DPH6: variants seen among roughly 807,000 people sequenced by gnomAD.
DPH6 encodes diphthine--ammonia ligase.
A neutral mutation model predicts 38.2 loss-of-function variants in DPH6; 33 were observed. The observed-to-expected ratio is 0.86, with a 90% CI of 0.65 to 1.15. The LOEUF (loss-of-function observed/expected upper bound fraction) is 1.15, where lower values mean the gene tolerates loss of function less well. Among genes scored for constraint, DPH6 ranks in the 50% most tolerant of loss-of-function variants. The probability of loss-of-function intolerance (pLI) is 0.00; values close to 1 mark genes in which losing one functional copy is unlikely to be tolerated. For missense variants in DPH6, 325 were observed against 320.0 expected, an observed-to-expected ratio of 1.02 and a Z score of -0.12; for synonymous variants, 108 against 103.0, an observed-to-expected ratio of 1.05 and a Z score of -0.30.
intron 3 of DPH6, among the ~76,000 whole-genome samples, chr15:35,487,196 A>ATCTACCAT (rs2054414943): frequency 6.6e-6 from 1 of 152,052 alleles, no homozygotes; most frequent in Non-Finnish European, 1.5e-5. Context: ...CTCCCAGGGG[A>ATCTACCAT]TCTACCATTC....
intron 5 of DPH6, among the ~76,000 whole-genome samples, chr15:35,431,201 T>G (rs2053628460): frequency 2.0e-5 from 3 of 152,162 alleles, no homozygotes; most frequent in Non-Finnish European, 1.5e-5. Context: ...ATGAATTCAC[T>G]TGTTCACATA....
chr15:35,312,462 C>T (rs2052151340), intron 3 of DPH6, among the ~76,000 whole-genome samples: 1 of 152,156 alleles, frequency 6.6e-6, no homozygotes, highest in East Asian at 1.9e-4. Flanking sequence ...CAGAGATAAA[C>T]AAGAGGCAGG....
At chr15:35,249,946 G>A (rs1007188088) in intron 3 of DPH6, among the ~76,000 whole-genome samples, 6 of 151,818 alleles carry the variant, frequency 4.0e-5, no homozygotes, top group Non-Finnish European at 5.9e-5. Context: ...GGCGGATCAC[G>A]AGGTCAGGAG....
At chr15:35,373,036 A>T (rs957825560) in intron 8 of DPH6, among the ~76,000 whole-genome samples, 2 of 151,936 alleles carry the variant, frequency 1.3e-5, no homozygotes, top group African/African-American at 2.4e-5. Context: ...CAGTGTATTT[A>T]AAATAAAACT....
intron 3 of DPH6, among the ~76,000 whole-genome samples, chr15:35,528,456 T>C (rs1595445506): frequency 6.6e-6 from 1 of 152,198 alleles, no homozygotes. Context: ...AGGTACCTTA[T>C]ATAGACTTTT....
At chr15:35,277,188 G>A (rs751414219) in intron 3 of DPH6, among the ~76,000 whole-genome samples, 12 of 152,010 alleles carry the variant, frequency 7.9e-5, no homozygotes, top group Non-Finnish European at 1.3e-4. Flanking sequence ...TTCAGTTATT[G>A]TAAAAGGGGT....
chr15:35,365,764 T>C (rs896531762), intron 3 of DPH6: 1 of 984,666 alleles, frequency 1.0e-6, no homozygotes, highest in Non-Finnish European at 1.2e-6. Context: ...GAGACAGAAA[T>C]GAGTCAAGTA....
intron 6 of DPH6, among the ~76,000 whole-genome samples, chr15:35,385,181 T>C (rs1372451213): frequency 6.6e-6 from 1 of 152,186 alleles, no homozygotes; most frequent in African/African-American, 2.4e-5. Flanking sequence ...GAGTATAAAT[T>C]AGTTCAACCA....
chr15:35,521,344 T>C, intron 3 of DPH6: 1 of 1,014,540 alleles, frequency 9.9e-7, no homozygotes, highest in African/African-American at 1.7e-5. Context: ...GAATGTTGAA[T>C]GTACAATCCT....
chr15:35,455,061 G>C (rs529775717), intron 3 of DPH6, among the ~76,000 whole-genome samples: 11 of 152,032 alleles, frequency 7.2e-5, no homozygotes, highest in African/African-American at 2.7e-4. Flanking sequence ...CCTTTCCATG[G>C]AGAAAGCAAA....
At chr15:35,507,597 A>T (rs375077867) in intron 3 of DPH6, among the ~76,000 whole-genome samples, 1 of 152,142 alleles carries the variant, frequency 6.6e-6, no homozygotes, top group South Asian at 2.1e-4. Context: ...CAAAGTAAAA[A>T]GAACTAAATT....
intron 3 of DPH6, among the ~76,000 whole-genome samples, chr15:35,270,231 AAAG>A (rs1350210807): frequency 2.0e-4 from 31 of 152,238 alleles, no homozygotes; most frequent in African/African-American, 7.0e-4. Context: ...AAGAAATAAA[AAAG>A]AAGAAGAAAG....
At chr15:35,351,130 G>T (rs1305471366) in intron 3 of DPH6, among the ~76,000 whole-genome samples, 1 of 151,988 alleles carries the variant, frequency 6.6e-6, no homozygotes, top group Non-Finnish European at 1.5e-5. Flanking sequence ...ACATCTTTCT[G>T]GGAACTGACT....
chr15:35,194,445 A>G, the DPH6 span, among the ~76,000 whole-genome samples: 1 of 151,804 alleles, frequency 6.6e-6, no homozygotes. Context: ...GTAAAAGCCC[A>G]GAAGCCACTA....
At chr15:35,508,558 T>A (rs1400949502) in intron 3 of DPH6, among the ~76,000 whole-genome samples, 1 of 152,170 alleles carries the variant, frequency 6.6e-6, no homozygotes, top group Non-Finnish European at 1.5e-5. Context: ...AAGTTTTTTT[T>A]ATATCATAAA....
At chr15:35,255,537 C>T (rs1190325584) in intron 3 of DPH6, among the ~76,000 whole-genome samples, 2 of 152,092 alleles carry the variant, frequency 1.3e-5, no homozygotes, top group Non-Finnish European at 2.9e-5. Context: ...CTGTTTCCCC[C>T]CTGAGATAAA....
At chr15:35,155,721 A>G in the DPH6 span, among the ~76,000 whole-genome samples, 3 of 152,238 alleles carry the variant, frequency 2.0e-5, no homozygotes. Flanking sequence ...TGAAAAAGAT[A>G]ACCACAGATA....
chr15:35,256,304 C>T (rs891102068), intron 3 of DPH6, among the ~76,000 whole-genome samples: 5 of 152,116 alleles, frequency 3.3e-5, no homozygotes, highest in South Asian at 2.1e-4. Flanking sequence ...GCTCCTTTGA[C>T]GGTGACTGTT....
rs2052262651 is a variant in DPH6, at chr15:35,324,058, T to C, written n.200+49463A>G. Among the ~76,000 whole-genome samples the C allele has an allele frequency of 2.0e-5, 3 of 152,162 alleles. No homozygotes were observed. In the South Asian group the frequency reaches 6.2e-4, roughly 32 times the overall value. ...AGCGTATCCCACCACTGGCTTGCTA[T>C]GTAAATTTGACCTTGTTAACTTCTA... On this transcript the variant is annotated intron_variant and non_coding_transcript_variant, in intron 3 of 3. Coordinates refer to the DPH6 transcript ENST00000560386.
Sources: allele counts gnomAD v4.1 joint callset (sites outside exome capture counted in the v4.1 genomes callset), GRCh38; gene constraint gnomAD v4.1.1; transcripts MANE v1.5; gene names NCBI Gene and HGNC (gene_info 2026-07-23, HGNC 2026-07-21).